The following ZBTB20 variants were observed in gnomAD, a reference collection of about 807,000 sequenced individuals.
ZBTB20 encodes the protein zinc finger and BTB domain containing 20, also known as zinc finger and BTB domain-containing protein 20.
In ZBTB20, 9 loss-of-function variants were observed where a neutral mutation model predicts 56.9. The ratio of observed to expected loss-of-function variants is 0.16; its 90% confidence interval spans 0.10 to 0.28. ZBTB20 has a LOEUF of 0.28. Ranked by LOEUF, ZBTB20 falls within the 10% of genes least tolerant of loss-of-function variation. ZBTB20 has a pLI of 1.00. For synonymous variants in ZBTB20, 417 were observed against 420.7 expected (o/e 0.99, Z 0.11); for missense variants, 655 against 1,003.0 (o/e 0.65, Z 4.69).
intron 7 of ZBTB20, among the ~76,000 whole-genome samples, chr3:114,462,783 C>A (rs1576894953): frequency 1.3e-5 from 2 of 152,172 alleles, no homozygotes; most frequent in East Asian, 3.9e-4. Flanking sequence ...TTTATCCAAT[C>A]TCTGAGTAAT....
intron 10 of ZBTB20, among the ~76,000 whole-genome samples, chr3:114,360,489 C>T (rs962508655): frequency 7.9e-5 from 12 of 151,370 alleles, no homozygotes; most frequent in African/African-American, 2.4e-4. Flanking sequence ...GGATTACAAG[C>T]GTGCTACCAA....
chr3:114,609,208 A>G lies in ZBTB20; in HGVS notation c.-295+84320T>C, dbSNP rs954979679. 3.3e-5 allele frequency among the ~76,000 whole-genome samples: 5 copies of G among 152,378 alleles called. No homozygotes were observed. The East Asian group carries it at 7.7e-4, about 23-fold the overall frequency. On this transcript the variant is annotated intron_variant, in intron 6 of 11. Transcript: ENST00000675478. ...TTAGACTTCTATTAAATGGATAACA[A>G]GAAAACTAACCAAGAAACAAAAATA...
intron 6 of ZBTB20, among the ~76,000 whole-genome samples, chr3:114,506,741 CTT>C (rs1401223113): frequency 1.3e-5 from 2 of 152,176 alleles, no homozygotes; most frequent in Admixed American, 1.3e-4. Context: ...ATCATTTAGA[CTT>C]GTCACTACCA....
rs111547841 is a variant in ZBTB20 at position 114,976,653 on chromosome 3, G to A, written c.-506-2237C>T. 4.2e-3 allele frequency among the ~76,000 whole-genome samples: 641 copies of A among 151,498 alleles called. 7 individuals are homozygous for A. Among genetic ancestry groups the A allele is most frequent in the African/African-American group, 0.014 (592 of 41,316 alleles). ...AAAAAAAAAAAAAATCTGAAGGACC[G>A]TTTGAATTGTTTTAGGATTAAATAA... is the stretch of plus-strand genomic sequence containing the variant. On this transcript the variant is annotated intron_variant, in intron 2 of 11. Transcript: ENST00000675478.
chr3:115,142,354 T>C (rs2107351719), intron 1 of ZBTB20, among the ~76,000 whole-genome samples: 1 of 152,212 alleles, frequency 6.6e-6, no homozygotes, highest in South Asian at 2.1e-4. Context: ...ATTCTTCCAT[T>C]TTGCTCTTTA....
chr3:114,468,303 A>C (rs1358185923), intron 7 of ZBTB20, among the ~76,000 whole-genome samples: 2 of 152,240 alleles, frequency 1.3e-5, no homozygotes, highest in Non-Finnish European at 2.9e-5. Context: ...GAATTAAAAA[A>C]TAGCTTTAGC....
chr3:114,641,112 G>A (rs780780641), intron 6 of ZBTB20, among the ~76,000 whole-genome samples: 1 of 152,034 alleles, frequency 6.6e-6, no homozygotes, highest in African/African-American at 2.4e-5. Context: ...TACATATGCT[G>A]TGAAAAGCTG....
intron 6 of ZBTB20, among the ~76,000 whole-genome samples, chr3:114,619,773 A>C (rs889647822): frequency 5.3e-5 from 8 of 152,270 alleles, no homozygotes; most frequent in Middle Eastern, 3.4e-3. Flanking sequence ...ATTTACCTCA[A>C]ACAGGGCATT....
chr3:114,905,090 T>C lies in ZBTB20; in HGVS notation c.-455-4748A>G, dbSNP rs575612413. On this transcript the variant is annotated intron_variant, in intron 3 of 11. Coordinates refer to ENST00000675478, the MANE Select transcript of ZBTB20 (RefSeq NM_001348800.3). ...GAAACCTCATCTACAATACACTAAGTGTTAATAATTCTAATTGTCCTATAA... is the reference window on the plus strand; with the variant it reads ...GAAACCTCATCTACAATACACTAAGCGTTAATAATTCTAATTGTCCTATAA... Among the ~76,000 whole-genome samples, 7 of 152,036 alleles carry C rather than the reference T, an allele frequency of 4.6e-5. No individual in the cohort carries two copies. In the South Asian group the frequency reaches 8.3e-4, roughly 18 times the overall value.
intron 5 of ZBTB20, among the ~76,000 whole-genome samples, chr3:114,776,890 G>A (rs2069645089): frequency 1.3e-5 from 2 of 152,168 alleles, no homozygotes; most frequent in African/African-American, 4.8e-5. Flanking sequence ...AACAGATTAT[G>A]AATGTAAATG....
intron 10 of ZBTB20, 170 bp from the exon 11 acceptor site, chr3:114,352,048 G>T: frequency 3.6e-6 from 3 of 841,250 alleles, no homozygotes; most frequent in Non-Finnish European, 5.3e-6. Flanking sequence ...TAGGTACGAT[G>T]ACCTGAGGGA....
chr3:114,416,474 G>T (rs2088575797), intron 7 of ZBTB20, among the ~76,000 whole-genome samples: 1 of 151,898 alleles, frequency 6.6e-6, no homozygotes, highest in African/African-American at 2.4e-5. Context: ...TTTTGTTTTG[G>T]TTTTGCTTCC....
At chr3:114,738,549 G>C (rs1490726155) in intron 5 of ZBTB20, among the ~76,000 whole-genome samples, 1 of 152,100 alleles carries the variant, frequency 6.6e-6, no homozygotes, top group Non-Finnish European at 1.5e-5. Flanking sequence ...TTTTAGAGAG[G>C]TTAGGTCAAA....
intron 6 of ZBTB20, among the ~76,000 whole-genome samples, chr3:114,550,235 C>G (rs1263764010): frequency 5.9e-5 from 9 of 152,116 alleles, no homozygotes; most frequent in East Asian, 3.9e-4. Context: ...ACTGTGCCCA[C>G]CCTATAACTT....
chr3:114,881,960 G>C (rs1176626175), intron 4 of ZBTB20, among the ~76,000 whole-genome samples: 1 of 151,622 alleles, frequency 6.6e-6, no homozygotes, highest in Non-Finnish European at 1.5e-5. Context: ...AAGCCATAAA[G>C]GAAATTATTG....
At chr3:114,685,363 G>A (rs1285224874) in intron 6 of ZBTB20, among the ~76,000 whole-genome samples, 2 of 152,150 alleles carry the variant, frequency 1.3e-5, no homozygotes, top group Non-Finnish European at 2.9e-5. Flanking sequence ...TTCATGAGCT[G>A]ACAAGGACTT....
chr3:115,021,226 A>G (rs552349244), intron 2 of ZBTB20, among the ~76,000 whole-genome samples: 111 of 151,094 alleles, frequency 7.3e-4, no homozygotes, highest in Middle Eastern at 3.4e-3. Context: ...CATGAATACA[A>G]AGAACTTTAT....
intron 7 of ZBTB20, among the ~76,000 whole-genome samples, chr3:114,437,221 C>A (rs561963670): frequency 6.6e-6 from 1 of 152,124 alleles, no homozygotes; most frequent in African/African-American, 2.4e-5. Context: ...AGTTTTTGCC[C>A]AGGGCCTTGT....
chr3:115,047,230 G>A (rs369265876), intron 2 of ZBTB20, among the ~76,000 whole-genome samples: 1 of 152,102 alleles, frequency 6.6e-6, no homozygotes, highest in Non-Finnish European at 1.5e-5. Flanking sequence ...TTCACCTTTA[G>A]TAATAAAAGT....
Sources: gnomAD v4.1 joint callset for allele counts (sites outside exome capture counted in the v4.1 genomes callset) on GRCh38, gnomAD v4.1.1 for gene constraint, MANE v1.5 for transcripts, NCBI Gene and HGNC (gene_info 2026-07-23, HGNC 2026-07-21) for gene names.